The following GNAI3 variants were observed in gnomAD, a reference collection of about 807,000 sequenced individuals.
GNAI3 encodes G protein subunit alpha i3.
A neutral mutation model predicts 41.8 loss-of-function variants in GNAI3; 12 were observed. That is an observed-to-expected ratio of 0.29 (90% confidence interval 0.18 to 0.47). GNAI3 has a LOEUF of 0.47. Among genes scored for constraint, GNAI3 ranks in the 20% least tolerant of loss-of-function variants. The pLI, the probability that GNAI3 is intolerant of heterozygous loss-of-function variation, is 1.00. For missense variants in GNAI3, 360 were observed against 429.6 expected (o/e 0.84, Z 1.43); for synonymous variants, 132 against 146.5 (o/e 0.90, Z 0.71).
intron 5 of GNAI3, among the ~76,000 whole-genome samples, chr1:109,583,219 A>G (rs1648940834): frequency 6.6e-6 from 1 of 151,994 alleles, no homozygotes; most frequent in African/African-American, 2.4e-5. Context: ...TTAAATTTTT[A>G]TTTTTTTAGA....
chr1:109,571,562 G>A (rs920133103), intron 1 of GNAI3, among the ~76,000 whole-genome samples: 5 of 152,228 alleles, frequency 3.3e-5, no homozygotes, highest in East Asian at 1.9e-4. Flanking sequence ...GATTAGAACA[G>A]TGTGGCCGAG....
rs545188268 is a variant in GNAI3 at position 109,582,581 on chromosome 1, T to C, written c.590+16T>C. On this transcript the variant is annotated intron_variant, in intron 5 of 8. Transcript: ENST00000369851. ...TATACTTCAAGTAAGTCATTAGCCT[T>C]TTTGCTAGGTGTGCCAAATACAAGT... is the stretch of plus-strand genomic sequence containing the variant. 4.7e-5 allele frequency: 74 copies of C among 1,586,670 alleles called. No individual in the cohort carries two copies. The South Asian group carries it at 7.7e-4, about 17-fold the overall frequency.
chr1:109,583,942 T>C (rs914585148), intron 5 of GNAI3, among the ~76,000 whole-genome samples: 2 of 152,212 alleles, frequency 1.3e-5, no homozygotes, highest in African/African-American at 4.8e-5. Context: ...TAATGGTCTT[T>C]TATAAATATT....
rs2101117641 is a variant in GNAI3, at chr1:109,598,750, A to AC, written c.*6428_*6429insC. The AC allele has an allele frequency of 3.0e-6, 1 of 328,764 alleles. No homozygotes were observed. The highest frequency in any genetic ancestry group is 7.3e-5 in the East Asian group (1 of 13,682). 20.4% of individuals were successfully genotyped at this position (328,764 alleles called of 1,614,324 possible). A position where few individuals can be genotyped will look rare whatever the true frequency, so the allele number is the denominator to read the frequency against. On this transcript the variant is annotated 3_prime_UTR_variant, in exon 9 of 9. Transcript: ENST00000369851. ...GTGCTTTTTCATGGCAAAAAGACAG[A>AC]AAAGTTCCCTTCTGCAGTCTCCAGT...
rs1446446360 is a variant in GNAI3 at position 109,598,140 on chromosome 1, T to A, written c.*5818T>A. 6.6e-6 allele frequency: 1 copy of A among 152,256 alleles called. No homozygotes were observed. Among genetic ancestry groups the A allele is most frequent in the Non-Finnish European group, 1.5e-5 (1 of 68,046 alleles). 9.4% of individuals were successfully genotyped at this position (152,256 alleles called of 1,614,324 possible). ...TCTCCTCTTATCTTTTACCTCTCCC[T>A]ACGCCCAAAATTCTCCTTAGGTTAT... On this transcript the variant is annotated 3_prime_UTR_variant, in exon 9 of 9. Coordinates refer to ENST00000369851, the MANE Select transcript of GNAI3 (RefSeq NM_006496.4).
At chr1:109,560,791 C>T (rs1330260428) in intron 1 of GNAI3, among the ~76,000 whole-genome samples, 3 of 152,126 alleles carry the variant, frequency 2.0e-5, no homozygotes, top group Admixed American at 6.5e-5. Context: ...TCAAGTGATC[C>T]TCTCAACTCA....
At chr1:109,578,317 A>G (rs1648801391) in intron 3 of GNAI3, among the ~76,000 whole-genome samples, 1 of 152,012 alleles carries the variant, frequency 6.6e-6, no homozygotes, top group Admixed American at 6.6e-5. Flanking sequence ...TAAAAATAGA[A>G]AAATTAGCTG....
chr1:109,558,676 A>C (rs1648223422), intron 1 of GNAI3, among the ~76,000 whole-genome samples: 1 of 152,172 alleles, frequency 6.6e-6, no homozygotes, highest in Non-Finnish European at 1.5e-5. Flanking sequence ...AATTATCCAA[A>C]GCTAAGAGAA....
At chr1:109,574,668 G>A (rs1336044411) in intron 3 of GNAI3, among the ~76,000 whole-genome samples, 1 of 152,152 alleles carries the variant, frequency 6.6e-6, no homozygotes, top group East Asian at 1.9e-4. Flanking sequence ...TGTGTAATTA[G>A]GATGTTTTAT....
At chr1:109,587,002 G>GT in intron 7 of GNAI3, 120 bp downstream of exon 7, 1 of 696,014 alleles carries the variant, frequency 1.4e-6, no homozygotes, top group Non-Finnish European at 2.5e-6. Context: ...TTCAGTGGTA[G>GT]TGGCATTGGC....
chr1:109,584,623 C>A (rs530278973), intron 5 of GNAI3, among the ~76,000 whole-genome samples: 50 of 152,300 alleles, frequency 3.3e-4, no homozygotes, highest in Non-Finnish European at 5.3e-4. Flanking sequence ...TCTCTCTAGG[C>A]AAAACTACTA....
intron 3 of GNAI3, among the ~76,000 whole-genome samples, chr1:109,576,241 G>C (rs912294420): frequency 6.6e-6 from 1 of 151,716 alleles, no homozygotes; most frequent in Non-Finnish European, 1.5e-5. Context: ...ACTAATTTTT[G>C]TATTTTTAGT....
At chr1:109,592,316 T>A (rs983568936) in intron 8 of GNAI3, 29 bp from the exon 9 acceptor site, 2 of 879,878 alleles carry the variant, frequency 2.3e-6, no homozygotes, top group Admixed American at 4.5e-5. Flanking sequence ...TTTAAACTTT[T>A]TCTAATTAAG....
intron 7 of GNAI3, among the ~76,000 whole-genome samples, chr1:109,591,328 C>T (rs1649164215): frequency 6.6e-6 from 1 of 151,364 alleles, no homozygotes; most frequent in East Asian, 1.9e-4. Flanking sequence ...TTAATACAAA[C>T]AATCCCATAG....
At chr1:109,568,748 G>T (rs1384191596) in intron 1 of GNAI3, among the ~76,000 whole-genome samples, 1 of 152,170 alleles carries the variant, frequency 6.6e-6, no homozygotes, top group Non-Finnish European at 1.5e-5. Context: ...CAGTAGCACA[G>T]TTGTAACTCA....
At position 109,592,036 on chromosome 1, in the gene GNAI3, G is replaced by A. The variant is rs767276060; in HGVS notation, c.875-7G>A. ...TTTGAACTGAGAGTACTGGGTGTCCGTTTTAGGTTCCAATACATATGAAGA... is the reference window on the plus strand; with the variant it reads ...TTTGAACTGAGAGTACTGGGTGTCCATTTTAGGTTCCAATACATATGAAGA... On this transcript the variant is annotated splice_region_variant and splice_polypyrimidine_tract_variant and intron_variant, in intron 7 of 8. Coordinates refer to ENST00000369851, the MANE Select transcript of GNAI3 (RefSeq NM_006496.4). The A allele has an allele frequency of 1.8e-5, 29 of 1,590,090 alleles. No homozygotes were observed. Among genetic ancestry groups the A allele is most frequent in the Middle Eastern group, 1.7e-4 (1 of 5,990 alleles).
At chr1:109,585,262 G>T (rs1442195219) in intron 5 of GNAI3, among the ~76,000 whole-genome samples, 2 of 152,214 alleles carry the variant, frequency 1.3e-5, no homozygotes, top group African/African-American at 4.8e-5. Context: ...AAGCAGTGCA[G>T]ATCTTTTTAC....
Position 109,598,368 on chromosome 1 carries a change from T to A in GNAI3, c.*6046T>A, listed in dbSNP as rs1649366772. 6.6e-6 allele frequency: 1 copy of A among 152,554 alleles called. No individual in the cohort carries two copies. Among genetic ancestry groups the A allele is most frequent in the Admixed American group, 6.5e-5 (1 of 15,332 alleles). The allele number at this position is 152,554 out of a possible 1,614,324, so 9.5% of individuals were successfully genotyped here. A position where few individuals can be genotyped will look rare whatever the true frequency, so the allele number is the denominator to read the frequency against. On this transcript the variant is annotated 3_prime_UTR_variant, in exon 9 of 9. Transcript: ENST00000369851. ...TCTGCTTCCAACCAGCTATGGAATC[T>A]TGTGTATTCTTTCAGTCTTAAATCA...
intron 1 of GNAI3, among the ~76,000 whole-genome samples, chr1:109,562,387 AG>A (rs372144249): frequency 3.9e-5 from 6 of 152,002 alleles, no homozygotes; most frequent in African/African-American, 1.4e-4. Flanking sequence ...TTGGTATCCT[AG>A]GGGGGGTCCT....
Sources: gnomAD v4.1 joint callset for allele counts (sites outside exome capture counted in the v4.1 genomes callset) on GRCh38, gnomAD v4.1.1 for gene constraint, MANE v1.5 for transcripts, NCBI Gene and HGNC (gene_info 2026-07-23, HGNC 2026-07-21) for gene names.